Variants in KAT2B observed in about 807,000 individuals in gnomAD.
KAT2B encodes histone acetyltransferase KAT2B.
In KAT2B, 36 loss-of-function variants were observed where a neutral mutation model predicts 105.9. The observed-to-expected ratio is 0.34, with a 90% CI of 0.26 to 0.45. KAT2B has a LOEUF of 0.45. Among genes scored for constraint, KAT2B ranks in the 20% least tolerant of loss-of-function variants. The pLI, the probability that KAT2B is intolerant of heterozygous loss-of-function variation, is 1.00. For synonymous variants in KAT2B, 397 were observed against 377.9 expected, an observed-to-expected ratio of 1.05 and a Z score of -0.59; for missense variants, 820 against 1,021.6, an observed-to-expected ratio of 0.80 and a Z score of 2.69.
chr3:20,088,220 G>T (rs575222827), intron 2 of KAT2B, among the ~76,000 whole-genome samples: 2 of 152,228 alleles, frequency 1.3e-5, no homozygotes, highest in Non-Finnish European at 2.9e-5. Context: ...ATATGGGAAT[G>T]CAGATGTCTT....
chr3:20,115,925 AT>A (rs553622061), intron 7 of KAT2B, among the ~76,000 whole-genome samples: 19 of 152,298 alleles, frequency 1.2e-4, no homozygotes, highest in Non-Finnish European at 2.8e-4. Flanking sequence ...TTGAGAGGTG[AT>A]TTTTGAAAAA....
At chr3:20,050,705 C>CTT (rs769997231) in intron 1 of KAT2B, among the ~76,000 whole-genome samples, 131 of 142,464 alleles carry the variant, frequency 9.2e-4, no homozygotes, top group Admixed American at 6.8e-3. Context: ...TGGGATGAAT[C>CTT]TTTTTTTTTT....
chr3:20,109,375 G>A (rs1699079856), intron 5 of KAT2B, among the ~76,000 whole-genome samples: 1 of 152,102 alleles, frequency 6.6e-6, no homozygotes, highest in South Asian at 2.1e-4. Flanking sequence ...GCATTGCAGT[G>A]GCACAATCAT....
intron 7 of KAT2B, 65 bp from the exon 8 acceptor site, chr3:20,119,533 T>C: frequency 6.3e-7 from 1 of 1,591,416 alleles, no homozygotes; most frequent in South Asian, 1.1e-5. Flanking sequence ...CATGTGCACT[T>C]CGTTTCTTGT....
intron 12 of KAT2B, among the ~76,000 whole-genome samples, chr3:20,139,344 C>G (rs1699659331): frequency 6.6e-6 from 1 of 152,078 alleles, no homozygotes; most frequent in South Asian, 2.1e-4. Context: ...TATGGTAAAA[C>G]TCACTGAGAA....
chr3:20,124,812 G>A (rs1323195876), intron 9 of KAT2B, among the ~76,000 whole-genome samples: 2 of 152,160 alleles, frequency 1.3e-5, no homozygotes, highest in Non-Finnish European at 1.5e-5. Flanking sequence ...TGGTTACCTG[G>A]ATAGCCAGTT....
intron 13 of KAT2B, among the ~76,000 whole-genome samples, chr3:20,145,641 CA>C (rs1158589819): frequency 7.5e-6 from 1 of 133,268 alleles, no homozygotes; most frequent in East Asian, 2.4e-4. Flanking sequence ...AATTATTTTA[CA>C]AAACAAACAA....
intron 1 of KAT2B, among the ~76,000 whole-genome samples, chr3:20,056,133 A>G (rs951417663): frequency 6.6e-6 from 1 of 152,200 alleles, no homozygotes; most frequent in African/African-American, 2.4e-5. Flanking sequence ...TATGAGAGAA[A>G]CAGTAGATAA....
chr3:20,082,894 G>T (rs1248516012), intron 2 of KAT2B, among the ~76,000 whole-genome samples: 2 of 152,066 alleles, frequency 1.3e-5, no homozygotes, highest in Non-Finnish European at 2.9e-5. Flanking sequence ...CCAAGCAAAG[G>T]AACTCAAATT....
chr3:20,059,336 C>T (rs1331444749), intron 1 of KAT2B, among the ~76,000 whole-genome samples: 1 of 145,238 alleles, frequency 6.9e-6, no homozygotes, highest in Non-Finnish European at 1.5e-5. Flanking sequence ...ATCGCTTGAA[C>T]CTGGGAGGCG....
intron 11 of KAT2B, among the ~76,000 whole-genome samples, chr3:20,132,877 A>G (rs4858768): frequency 0.11 from 16,560 of 152,290 alleles, 1,164 homozygotes; most frequent in Admixed American, 0.16. Flanking sequence ...ACTCCTTACA[A>G]GATGGTGCAT....
intron 1 of KAT2B, among the ~76,000 whole-genome samples, chr3:20,061,692 T>C (rs1412078626): frequency 6.7e-6 from 1 of 148,252 alleles, no homozygotes; most frequent in African/African-American, 2.5e-5. Flanking sequence ...TGGTATTTCA[T>C]TGTAGTTTTA....
In KAT2B at chr3:20,146,456, C is replaced by G. The variant is rs750122932; in HGVS notation, c.2119+26C>G. 5 of 1,380,584 alleles carry G rather than the reference C, an allele frequency of 3.6e-6. No homozygotes were observed. The South Asian group carries it at 3.7e-5, about 10-fold the overall frequency. 85.5% of individuals were successfully genotyped at this position (1,380,584 alleles called of 1,614,324 possible). ...GTACGTATAGACCTTCTTTTAAAAG[C>G]GAAATTTTTTAGTAATGCCGTGGTT... On this transcript the variant is annotated intron_variant, in intron 14 of 17. Coordinates refer to ENST00000263754, the MANE Select transcript of KAT2B (RefSeq NM_003884.5).
In KAT2B at chr3:20,040,669, C is replaced by A. The variant is rs760971345; in HGVS notation, c.192C>A (p.Ala64=). The change falls in exon 1 of 18, where the codon GCC becomes GCA. Residue 64 remains alanine (A), a synonymous_variant. Transcript: ENST00000263754. The part of the protein sequence containing the change: ...PATAVAAAGT[A]EGPGGGGSAR... ...CGGCAGTGGCTGCAGCGGGCACGGC[C>A]GAAGGACCGGGAGGCGGTGGCTCGG... is the stretch of plus-strand genomic sequence containing the variant. The A allele has an allele frequency of 7.1e-6, 11 of 1,544,422 alleles. No individual in the cohort carries two copies. Among genetic ancestry groups the A allele is most frequent in the Non-Finnish European group, 9.6e-6 (11 of 1,151,538 alleles).
At chr3:20,130,908 G>A (rs925868189) in intron 11 of KAT2B, among the ~76,000 whole-genome samples, 7 of 151,218 alleles carry the variant, frequency 4.6e-5, no homozygotes, top group African/African-American at 1.7e-4. Context: ...AAGAACGTGT[G>A]TGTGTGTGCA....
intron 1 of KAT2B, among the ~76,000 whole-genome samples, chr3:20,061,653 T>C (rs1247714319): frequency 1.3e-5 from 2 of 151,568 alleles, no homozygotes; most frequent in Non-Finnish European, 2.9e-5. Flanking sequence ...TCTGTTTCTT[T>C]TGTAGTAGCC....
intron 1 of KAT2B, among the ~76,000 whole-genome samples, chr3:20,064,411 A>G (rs1421723314): frequency 6.6e-6 from 1 of 152,222 alleles, no homozygotes; most frequent in Admixed American, 6.5e-5. Flanking sequence ...TGTTAACTAT[A>G]GTCACTCTGC....
intron 11 of KAT2B, among the ~76,000 whole-genome samples, chr3:20,129,489 C>G (rs920958727): frequency 4.0e-5 from 6 of 151,894 alleles, no homozygotes; most frequent in Admixed American, 2.6e-4. Context: ...ATTCTCCCAC[C>G]TCAGCCTCAT....
At chr3:20,086,065 G>C (rs900730819) in intron 2 of KAT2B, among the ~76,000 whole-genome samples, 1 of 151,916 alleles carries the variant, frequency 6.6e-6, no homozygotes, top group Admixed American at 6.6e-5. Flanking sequence ...GAGCTCAGAA[G>C]TTCGAGACCA....
Sources: allele counts gnomAD v4.1 joint callset (sites outside exome capture counted in the v4.1 genomes callset), GRCh38; gene constraint gnomAD v4.1.1; transcripts MANE v1.5; gene names NCBI Gene and HGNC (gene_info 2026-07-23, HGNC 2026-07-21).